The following ATP8A2 variants were observed in gnomAD, a reference collection of about 807,000 sequenced individuals.
The protein encoded by ATP8A2 is phospholipid-transporting ATPase IB.
Under a neutral mutation model 165.6 loss-of-function variants are expected in ATP8A2, and 100 were observed. The ratio of observed to expected loss-of-function variants is 0.60; its 90% CI spans 0.51 to 0.71. The LOEUF (loss-of-function observed/expected upper bound fraction) is 0.71. Ranked by LOEUF, ATP8A2 falls within the 30% of genes least tolerant of loss-of-function variation. The pLI is 0.00. For synonymous variants in ATP8A2, 543 were observed against 548.8 expected (o/e 0.99, Z 0.15); for missense variants, 1,227 against 1,479.5 (o/e 0.83, Z 2.80).
intron 1 of ATP8A2, among the ~76,000 whole-genome samples, chr13:25,404,510 G>A (rs754886838): frequency 3.3e-5 from 5 of 152,032 alleles, no homozygotes; most frequent in Non-Finnish European, 5.9e-5. Context: ...AGTGAGGAAA[G>A]CATTCAAGGA....
chr13:25,787,383 G>A (rs1301488532), intron 27 of ATP8A2, among the ~76,000 whole-genome samples: 1 of 152,170 alleles, frequency 6.6e-6, no homozygotes, highest in Non-Finnish European at 1.5e-5. Flanking sequence ...CATGTCGTTG[G>A]ATCAGTAATT....
intron 36 of ATP8A2, among the ~76,000 whole-genome samples, chr13:26,014,456 T>C (rs75912250): frequency 0.016 from 2,471 of 152,116 alleles, 83 homozygotes; most frequent in African/African-American, 0.057. Flanking sequence ...TCAGTAGGGG[T>C]AAGGAAGCAA....
chr13:25,548,613 G>A (rs188459970), intron 10 of ATP8A2, among the ~76,000 whole-genome samples: 4 of 152,320 alleles, frequency 2.6e-5, no homozygotes, highest in Non-Finnish European at 5.9e-5. Flanking sequence ...AGACCTGGAT[G>A]TGTCGTCTCA....
intron 24 of ATP8A2, among the ~76,000 whole-genome samples, chr13:25,692,470 A>T (rs896814003): frequency 4.6e-5 from 7 of 152,176 alleles, no homozygotes; most frequent in Non-Finnish European, 7.4e-5. Flanking sequence ...TGCTGGAACC[A>T]TTCATTTTTG....
At chr13:25,878,755 C>A (rs1267577114) in intron 33 of ATP8A2, among the ~76,000 whole-genome samples, 1 of 152,078 alleles carries the variant, frequency 6.6e-6, no homozygotes, top group African/African-American at 2.4e-5. Context: ...GTACCTCAGG[C>A]TCTCAACTCT....
chr13:25,754,271 A>C (rs1301003135), intron 25 of ATP8A2, among the ~76,000 whole-genome samples: 1 of 152,202 alleles, frequency 6.6e-6, no homozygotes, highest in Non-Finnish European at 1.5e-5. Flanking sequence ...ACGAAGAAGA[A>C]CTGGCCCTGG....
intron 23 of ATP8A2, among the ~76,000 whole-genome samples, chr13:25,589,315 T>G (rs1001222198): frequency 2.6e-5 from 4 of 152,200 alleles, no homozygotes; most frequent in African/African-American, 9.6e-5. Flanking sequence ...TGGGGTCCAC[T>G]GCCTTCCTGA....
chr13:25,830,737 C>A (rs1276166080), intron 28 of ATP8A2, among the ~76,000 whole-genome samples: 1 of 152,244 alleles, frequency 6.6e-6, no homozygotes, highest in African/African-American at 2.4e-5. Flanking sequence ...CATTCTCTTT[C>A]TCCATACTTG....
At chr13:25,928,086 C>G (rs1185177376) in intron 33 of ATP8A2, among the ~76,000 whole-genome samples, 5 of 152,238 alleles carry the variant, frequency 3.3e-5, no homozygotes, top group Admixed American at 2.0e-4. Context: ...GAGAAAACAA[C>G]TGGTAAGTTC....
intron 35 of ATP8A2, among the ~76,000 whole-genome samples, chr13:25,998,902 A>C (rs2139314446): frequency 6.6e-6 from 1 of 152,290 alleles, no homozygotes; most frequent in African/African-American, 2.4e-5. Context: ...TGGAATTTGG[A>C]GTGAGCTTTT....
chr13:26,004,394 T>C lies in ATP8A2; in HGVS notation c.3378-8137T>C, dbSNP rs541325934. ...GCAACCTTACTAAATTTACTAGTTCTAAACAGTTTTTTGGTGGAGTCTTTA... is the reference window on the plus strand; with the variant it reads ...GCAACCTTACTAAATTTACTAGTTCCAAACAGTTTTTTGGTGGAGTCTTTA... On this transcript the variant is annotated intron_variant, in intron 35 of 36. Transcript: ENST00000381655. 3.2e-4 allele frequency among the ~76,000 whole-genome samples: 48 copies of C among 152,222 alleles called. No homozygotes were observed. The Middle Eastern group carries it at 0.01, about 32-fold the overall frequency.
intron 2 of ATP8A2, among the ~76,000 whole-genome samples, chr13:25,507,612 C>T (rs1368820276): frequency 6.6e-6 from 1 of 152,068 alleles, no homozygotes; most frequent in Non-Finnish European, 1.5e-5. Context: ...AGGATGAAGA[C>T]AGAACTGAAC....
rs374583834 is a variant in ATP8A2, at chr13:25,540,425, G to A, written c.651+37G>A. On this transcript the variant is annotated intron_variant, in intron 8 of 36. Transcript: ENST00000381655. ...TCTGATGACTTGTGTTGTTATGGTAGACACAACTGCAAATGTGGTCCCCAC... is the reference window on the plus strand; with the variant it reads ...TCTGATGACTTGTGTTGTTATGGTAAACACAACTGCAAATGTGGTCCCCAC... The A allele has an allele frequency of 1.8e-5, 25 of 1,391,044 alleles. No homozygotes were observed. In the African/African-American group the frequency reaches 3.3e-4, roughly 18 times the overall value. The allele number at this position is 1,391,044 out of a possible 1,614,324, so 86.2% of individuals were successfully genotyped here.
chr13:25,894,615 T>C (rs1953476739), intron 33 of ATP8A2, among the ~76,000 whole-genome samples: 1 of 152,200 alleles, frequency 6.6e-6, no homozygotes, highest in Non-Finnish European at 1.5e-5. Flanking sequence ...AATCTATAAA[T>C]TACCTTGGGC....
At chr13:25,988,276 G>A (rs1043178323) in intron 35 of ATP8A2, among the ~76,000 whole-genome samples, 3 of 152,202 alleles carry the variant, frequency 2.0e-5, no homozygotes, top group Non-Finnish European at 4.4e-5. Flanking sequence ...CTGTGAGTGC[G>A]AAGACGCTGG....
chr13:25,837,419 A>ACC (rs1354735907), intron 29 of ATP8A2, 134 bp downstream of exon 29: 8 of 526,746 alleles, frequency 1.5e-5, no homozygotes, highest in African/African-American at 3.0e-5. Context: ...CACTCACCCC[A>ACC]CCACCACACA....
chr13:25,985,366 C>T (rs1172507198), intron 35 of ATP8A2, among the ~76,000 whole-genome samples: 2 of 152,244 alleles, frequency 1.3e-5, no homozygotes, highest in Non-Finnish European at 1.5e-5. Flanking sequence ...ATTCTCTCTG[C>T]TGTCACCCCA....
At chr13:25,859,766 G>A (rs1427133604) in intron 30 of ATP8A2, among the ~76,000 whole-genome samples, 1 of 152,112 alleles carries the variant, frequency 6.6e-6, no homozygotes, top group Non-Finnish European at 1.5e-5. Flanking sequence ...TATGCATGTA[G>A]TTATCTTTTT....
intron 28 of ATP8A2, among the ~76,000 whole-genome samples, chr13:25,834,944 C>A (rs999396182): frequency 1.3e-5 from 2 of 151,720 alleles, no homozygotes; most frequent in Non-Finnish European, 2.9e-5. Context: ...ACATGACTGG[C>A]CAGTGTCAAC....
Sources: allele counts gnomAD v4.1 joint callset (sites outside exome capture counted in the v4.1 genomes callset), GRCh38; gene constraint gnomAD v4.1.1; transcripts MANE v1.5; gene names NCBI Gene and HGNC (gene_info 2026-07-23, HGNC 2026-07-21).